LDLRAD3: variants seen among roughly 807,000 people sequenced by gnomAD.
The protein encoded by LDLRAD3 is low density lipoprotein receptor class A domain containing 3.
In LDLRAD3, 20 loss-of-function variants were observed where a neutral mutation model predicts 29.4. The ratio of observed to expected loss-of-function variants is 0.68; its 90% CI spans 0.48 to 0.99. The LOEUF is 0.99. Ranked by LOEUF, LDLRAD3 falls within the 50% of genes least tolerant of loss-of-function variation. The probability of loss-of-function intolerance (pLI) is 0.00; values close to 1 mark genes in which losing one functional copy is unlikely to be tolerated. For missense variants in LDLRAD3, 420 were observed against 454.3 expected (o/e 0.92, Z 0.69); for synonymous variants, 157 against 192.7 (o/e 0.81, Z 1.53).
chr11:36,173,475 T>TG (rs998746578), intron 4 of LDLRAD3, among the ~76,000 whole-genome samples: 2 of 151,860 alleles, frequency 1.3e-5, no homozygotes, highest in Admixed American at 1.3e-4. Flanking sequence ...CTGAGAATGA[T>TG]GGTTTCCAGC....
chr11:36,206,170 C>T (rs982784752), intron 4 of LDLRAD3, among the ~76,000 whole-genome samples: 3 of 152,162 alleles, frequency 2.0e-5, no homozygotes, highest in Non-Finnish European at 2.9e-5. Flanking sequence ...CTTGAAATAT[C>T]GAGTGGTGAT....
intron 2 of LDLRAD3, among the ~76,000 whole-genome samples, chr11:36,047,350 A>T (rs951204169): frequency 1.3e-5 from 2 of 152,226 alleles, no homozygotes; most frequent in African/African-American, 4.8e-5. Flanking sequence ...CACCGTCTTG[A>T]TCATTCTAAG....
At chr11:36,160,438 A>T (rs1457495315) in intron 4 of LDLRAD3, among the ~76,000 whole-genome samples, 5 of 152,136 alleles carry the variant, frequency 3.3e-5, no homozygotes, top group African/African-American at 9.7e-5. Flanking sequence ...TATAAGATAC[A>T]TGAATGCTTA....
intron 1 of LDLRAD3, among the ~76,000 whole-genome samples, chr11:36,009,155 C>T (rs1237916191): frequency 2.0e-5 from 3 of 152,138 alleles, no homozygotes; most frequent in Non-Finnish European, 2.9e-5. Flanking sequence ...CTGAAATGTC[C>T]ATCCTTTCCC....
At chr11:36,066,147 C>G (rs1852788466) in intron 2 of LDLRAD3, among the ~76,000 whole-genome samples, 1 of 151,518 alleles carries the variant, frequency 6.6e-6, no homozygotes, top group Non-Finnish European at 1.5e-5. Context: ...TTCTTACACT[C>G]TTCACTCATT....
chr11:36,148,544 T>C (rs939523979), intron 4 of LDLRAD3, among the ~76,000 whole-genome samples: 37 of 152,206 alleles, frequency 2.4e-4, no homozygotes, highest in Admixed American at 6.5e-4. Flanking sequence ...TAGAAGGGAA[T>C]GCTTCAGTCT....
At chr11:36,117,440 C>T (rs947458028) in intron 4 of LDLRAD3, among the ~76,000 whole-genome samples, 3 of 152,204 alleles carry the variant, frequency 2.0e-5, no homozygotes, top group South Asian at 2.1e-4. Context: ...GAACTACACT[C>T]GTTTGCTGAC....
chr11:36,094,579 C>T (rs1232725547), intron 3 of LDLRAD3, among the ~76,000 whole-genome samples: 2 of 152,254 alleles, frequency 1.3e-5, no homozygotes, highest in South Asian at 2.1e-4. Flanking sequence ...TCTGTCACCC[C>T]GGCTGGAGTG....
chr11:36,112,142 T>G lies in LDLRAD3; in HGVS notation c.454+13681T>G, dbSNP rs557748350. Among the ~76,000 whole-genome samples the G allele has an allele frequency of 1.1e-3, 174 of 152,350 alleles. 3 individuals are homozygous for G. Among genetic ancestry groups the G allele is most frequent in the African/African-American group, 4.2e-3 (173 of 41,576 alleles). ...AAACCACACTTTATGAAATGGATCC[T>G]CATAGCACATCCTTTTTAATGCAGG... On this transcript the variant is annotated intron_variant, in intron 4 of 5. Transcript: ENST00000315571.
At chr11:35,999,149 G>A (rs996495201) in intron 1 of LDLRAD3, among the ~76,000 whole-genome samples, 7 of 152,190 alleles carry the variant, frequency 4.6e-5, no homozygotes, top group Admixed American at 2.6e-4. Flanking sequence ...GGTATTGCAC[G>A]GGAGACAGGT....
chr11:36,222,860 G>A lies in LDLRAD3; in HGVS notation c.455-4225G>A, dbSNP rs565808249. ...TCCACAGGCAGCTGTGGAGCTACTG[G>A]CAGTCTTGATAGAACAGCAGTTTCT... On this transcript the variant is annotated intron_variant, in intron 4 of 5. Transcript: ENST00000315571. 5.3e-5 allele frequency among the ~76,000 whole-genome samples: 8 copies of A among 152,256 alleles called. No homozygotes were observed. The South Asian group carries it at 1.4e-3, about 28-fold the overall frequency.
intron 4 of LDLRAD3, among the ~76,000 whole-genome samples, chr11:36,144,617 T>C (rs1262009709): frequency 1.7e-5 from 2 of 120,442 alleles, no homozygotes; most frequent in African/African-American, 3.4e-5. Flanking sequence ...GCCTGGCAAC[T>C]GCCCCGTCTG....
Position 36,213,959 on chromosome 11 carries a change from G to A in LDLRAD3, c.455-13126G>A, listed in dbSNP as rs7938873. Among the ~76,000 whole-genome samples the A allele has an allele frequency of 0.042, 6,466 of 152,216 alleles. 455 individuals are homozygous for A. The highest frequency in any genetic ancestry group is 0.14 in the African/African-American group (5,938 of 41,506). Reference sequence around the variant, plus strand: ...AAGCAAGCTCACAGTCGCTTCACTCGGCTCAAATTTAAAACAGTCTTCAGT... The same window carrying A: ...AAGCAAGCTCACAGTCGCTTCACTCAGCTCAAATTTAAAACAGTCTTCAGT... On this transcript the variant is annotated intron_variant, in intron 4 of 5. Transcript: ENST00000315571. The surrounding 1 kb of genome is among the most constrained non-coding windows in gnomAD (Gnocchi z 4.1).
At chr11:36,063,177 C>G (rs1276644908) in intron 2 of LDLRAD3, among the ~76,000 whole-genome samples, 2 of 152,166 alleles carry the variant, frequency 1.3e-5, no homozygotes, top group Non-Finnish European at 2.9e-5. Context: ...ACTACATCCC[C>G]CAGTATTGCC....
At chr11:36,175,070 A>G (rs1477194031) in intron 4 of LDLRAD3, among the ~76,000 whole-genome samples, 2 of 152,340 alleles carry the variant, frequency 1.3e-5, no homozygotes, top group East Asian at 3.9e-4. Flanking sequence ...AGAAATACGA[A>G]CATTTTTACG....
At chr11:36,046,909 T>A (rs1271798102) in intron 2 of LDLRAD3, among the ~76,000 whole-genome samples, 1 of 152,192 alleles carries the variant, frequency 6.6e-6, no homozygotes, top group Admixed American at 6.5e-5. Flanking sequence ...ATATATATAT[T>A]TTAAAAGTCA....
chr11:36,097,986 C>T (rs1853387641), intron 3 of LDLRAD3, among the ~76,000 whole-genome samples: 1 of 152,226 alleles, frequency 6.6e-6, no homozygotes, highest in Non-Finnish European at 1.5e-5. Flanking sequence ...CCTGTGCTGT[C>T]ACCAAAAAAG....
intron 4 of LDLRAD3, among the ~76,000 whole-genome samples, chr11:36,179,083 C>T (rs1006567892): frequency 2.0e-5 from 3 of 152,194 alleles, no homozygotes; most frequent in Non-Finnish European, 4.4e-5. Context: ...AACAATGAAG[C>T]AGGGAGACAG....
chr11:36,183,747 A>G lies in LDLRAD3; in HGVS notation c.455-43338A>G, dbSNP rs558267381. On this transcript the variant is annotated intron_variant, in intron 4 of 5. Coordinates refer to ENST00000315571, the MANE Select transcript of LDLRAD3 (RefSeq NM_174902.4). ...TTTGAATTTCCTTTAGATCACCTCA[A>G]TCCATATCTGTTAACCTCTCGTCCA... is the stretch of plus-strand genomic sequence containing the variant. 2.4e-3 allele frequency among the ~76,000 whole-genome samples: 358 copies of G among 152,220 alleles called. 1 individual carries two copies. Among genetic ancestry groups the G allele is most frequent in the Non-Finnish European group, 4.7e-3 (321 of 68,014 alleles).
Sources: gnomAD v4.1 joint callset for allele counts (sites outside exome capture counted in the v4.1 genomes callset) on GRCh38, gnomAD v4.1.1 for gene constraint, Gnocchi (gnomAD v3.1) non-coding constraint, MANE v1.5 for transcripts, NCBI Gene and HGNC (gene_info 2026-07-23, HGNC 2026-07-21) for gene names.